Variants in KIAA0586 observed in about 807,000 individuals in gnomAD.
The protein encoded by KIAA0586 is protein TALPID3.
In KIAA0586, 144 loss-of-function variants were observed where a neutral mutation model predicts 169.8. That is an observed-to-expected ratio of 0.85 (90% confidence interval 0.74 to 0.97). KIAA0586 has a LOEUF of 0.97. Among genes scored for constraint, KIAA0586 ranks in the 50% least tolerant of loss-of-function variants. KIAA0586 has a pLI of 0.00. For synonymous variants in KIAA0586, 625 were observed against 612.4 expected (o/e 1.02, Z -0.30); for missense variants, 1,854 against 1,823.0 (o/e 1.02, Z -0.31).
intron 5 of KIAA0586, among the ~76,000 whole-genome samples, chr14:58,443,640 G>T (rs2140560486): frequency 6.6e-6 from 1 of 152,202 alleles, no homozygotes; most frequent in African/African-American, 2.4e-5. Flanking sequence ...GGTCAGGATG[G>T]TCTCGATCTC....
intron 3 of KIAA0586, among the ~76,000 whole-genome samples, chr14:58,431,269 A>C (rs1158816001): frequency 6.6e-6 from 1 of 152,042 alleles, no homozygotes; most frequent in Non-Finnish European, 1.5e-5. Flanking sequence ...TATGTTTATA[A>C]ATTTTTTTTT....
upstream of KIAA0586, chr14:58,427,611 G>A (rs767188136): frequency 6.5e-6 from 10 of 1,535,496 alleles, no homozygotes; most frequent in South Asian, 1.1e-4. Flanking sequence ...ACCAGAGAGC[G>A]CTTAGCTTTC....
intron 29 of KIAA0586, among the ~76,000 whole-genome samples, chr14:58,527,138 GAAGAC>G (rs963788141): frequency 6.6e-6 from 1 of 152,046 alleles, no homozygotes; most frequent in Non-Finnish European, 1.5e-5. Flanking sequence ...AATAAAGCGT[GAAGAC>G]AAGAATAGAG....
At chr14:58,450,776 A>G (rs1397201138) in intron 8 of KIAA0586, 30 bp downstream of exon 8, 1 of 1,403,300 alleles carries the variant, frequency 7.1e-7, no homozygotes. Flanking sequence ...GACCTATCCC[A>G]AATTAGGAAA....
At chr14:58,553,744 A>G (rs922038095), downstream of KIAA0586, among the ~76,000 whole-genome samples, 8 of 152,196 alleles carry the variant, frequency 5.3e-5, no homozygotes, top group Admixed American at 4.6e-4. Flanking sequence ...ACTGTGGGTC[A>G]ATTGTAGCTG....
At chr14:58,486,978 C>G in intron 21 of KIAA0586, 29 bp from the exon 22 acceptor site, 1 of 1,539,600 alleles carries the variant, frequency 6.5e-7, no homozygotes, top group Non-Finnish European at 8.8e-7. Context: ...TGATTATAAA[C>G]ACAGTTTATC....
chr14:58,537,591 T>C (rs2046374511), intron 29 of KIAA0586, among the ~76,000 whole-genome samples: 1 of 152,198 alleles, frequency 6.6e-6, no homozygotes, highest in African/African-American at 2.4e-5. Context: ...CTTGGAAGTT[T>C]AGAAACAAAG....
At chr14:58,503,206 T>C (rs2043699132) in intron 27 of KIAA0586, among the ~76,000 whole-genome samples, 1 of 152,242 alleles carries the variant, frequency 6.6e-6, no homozygotes, top group Non-Finnish European at 1.5e-5. Context: ...TAGAACTATG[T>C]AAGTACTACA....
In KIAA0586 at chr14:58,547,841, T is replaced by A. The variant is rs777370425; in HGVS notation, c.4556T>A (p.Leu1519Gln). 3.1e-6 allele frequency: 5 copies of A among 1,613,784 alleles called. No homozygotes were observed. The highest frequency in any genetic ancestry group is 2.5e-6 in the Non-Finnish European group (3 of 1,179,732). Residue 1519 changes from leucine to glutamine, a missense_variant, in exon 31 of 31, where the codon CTG becomes CAG. Transcript: ENST00000652326. Reference protein sequence around the residue: ...QMPPAKMSVMLPSVNLEDCSQ... With the variant: ...QMPPAKMSVMQPSVNLEDCSQ... ...CCCCCTGCCAAGATGTCAGTGATGC[T>A]GCCGTCAGTGAACCTCGAGGACTGC...
chr14:58,441,167 A>G (rs926483242), intron 4 of KIAA0586: 4 of 275,074 alleles, frequency 1.5e-5, no homozygotes, highest in East Asian at 1.8e-4. Flanking sequence ...GTGTACATCA[A>G]TAGTGCTGTA....
At chr14:58,443,495 TCAC>T (rs1566792858) in intron 5 of KIAA0586, among the ~76,000 whole-genome samples, 1 of 152,232 alleles carries the variant, frequency 6.6e-6, no homozygotes, top group Non-Finnish European at 1.5e-5. Flanking sequence ...CGATCTCAGC[TCAC>T]TGCAACCTCC....
intron 21 of KIAA0586, among the ~76,000 whole-genome samples, chr14:58,485,204 G>A (rs1247716006): frequency 6.6e-6 from 1 of 151,196 alleles, no homozygotes; most frequent in African/African-American, 2.4e-5. Context: ...TTACAGGCAT[G>A]AGCCACCGCA....
intron 29 of KIAA0586, among the ~76,000 whole-genome samples, chr14:58,530,618 G>T (rs529841667): frequency 7.2e-5 from 11 of 152,080 alleles, no homozygotes; most frequent in African/African-American, 1.7e-4. Context: ...ATAAATGGTG[G>T]TGGGAAAACT....
At chr14:58,427,690 A>G (rs2036934944), upstream of KIAA0586, 4 of 1,535,272 alleles carry the variant, frequency 2.6e-6, no homozygotes, top group Admixed American at 3.9e-5. Flanking sequence ...GTTTGAAGGG[A>G]AGTGGGTGTT....
rs766964981 is a variant in KIAA0586 at position 58,472,291 on chromosome 14, T to C, written c.2634+12T>C. The C allele has an allele frequency of 1.2e-5, 17 of 1,463,734 alleles. No homozygotes were observed. The South Asian group carries it at 1.5e-4, about 13-fold the overall frequency. The allele number at this position is 1,463,734 out of a possible 1,614,324, so 90.7% of individuals were successfully genotyped here. ...TCGATGTCATACAGGTAACAAAGCTTAGAAACCATGAGAAATTATTTTTCT... is the reference window on the plus strand; with the variant it reads ...TCGATGTCATACAGGTAACAAAGCTCAGAAACCATGAGAAATTATTTTTCT... On this transcript the variant is annotated intron_variant, in intron 18 of 30. Transcript: ENST00000652326.
At chr14:58,441,202 T>C in intron 4 of KIAA0586, 1 of 318,594 alleles carries the variant, frequency 3.1e-6, no homozygotes, top group Non-Finnish European at 6.4e-6. Flanking sequence ...TTTTTTTTTT[T>C]TTTTTTTTTC....
chr14:58,505,496 T>C (rs1250986266), intron 27 of KIAA0586, among the ~76,000 whole-genome samples: 1 of 152,226 alleles, frequency 6.6e-6, no homozygotes, highest in Non-Finnish European at 1.5e-5. Context: ...GAAGCTCTTC[T>C]ATACACGAGC....
the KIAA0586 span, among the ~76,000 whole-genome samples, chr14:58,561,087 G>A: frequency 6.6e-6 from 1 of 152,300 alleles, no homozygotes; most frequent in Admixed American, 6.5e-5. Context: ...CATTTTCCAA[G>A]TGCTAAAGTT....
At chr14:58,540,565 T>C (rs1365457160) in intron 30 of KIAA0586, among the ~76,000 whole-genome samples, 2 of 152,118 alleles carry the variant, frequency 1.3e-5, no homozygotes. Context: ...GAGGAAAAAA[T>C]TGGAGTTGTT....
Sources: gnomAD v4.1 joint callset for allele counts (sites outside exome capture counted in the v4.1 genomes callset) on GRCh38, gnomAD v4.1.1 for gene constraint, MANE v1.5 for transcripts, NCBI Gene and HGNC (gene_info 2026-07-23, HGNC 2026-07-21) for gene names.